The following CLYBL variants were observed in gnomAD, a reference collection of about 807,000 sequenced individuals.
CLYBL encodes the protein citramalyl-CoA lyase, also known as citramalyl-CoA lyase, mitochondrial.
Under a neutral mutation model 38.9 loss-of-function variants are expected in CLYBL, and 31 were observed. The ratio of observed to expected loss-of-function variants is 0.80; its 90% CI spans 0.60 to 1.08. The LOEUF (loss-of-function observed/expected upper bound fraction) is 1.08. CLYBL is among the 50% of genes least tolerant of loss of function. The pLI is 0.00. For missense variants in CLYBL, 434 were observed against 411.6 expected (o/e 1.05, Z -0.47); for synonymous variants, 171 against 158.6 (o/e 1.08, Z -0.59).
Position 99,686,818 on chromosome 13 carries a change from A to C in CLYBL, c.62+80061A>C, listed in dbSNP as rs543192204. The stretch of plus-strand genomic sequence containing the variant: ...TGGGGACGAGCTATGCCACCAATTT[A>C]AAGTGTCTCAGCCGGGGTCAGAATT... On this transcript the variant is annotated intron_variant, in intron 1 of 8. Coordinates refer to ENST00000339105, the MANE Select transcript of CLYBL (RefSeq NM_206808.5). 1.5e-3 allele frequency among the ~76,000 whole-genome samples: 229 copies of C among 152,266 alleles called. 1 individual carries two copies. The highest frequency in any genetic ancestry group is 5.2e-3 in the African/African-American group (218 of 41,548).
intron 1 of CLYBL, among the ~76,000 whole-genome samples, chr13:99,633,191 A>G (rs2139240381): frequency 6.9e-6 from 1 of 144,774 alleles, no homozygotes; most frequent in South Asian, 2.3e-4. Context: ...AGCCTGGGCA[A>G]CAGAGCAAGA....
chr13:99,672,846 G>A (rs1056901258), intron 1 of CLYBL, among the ~76,000 whole-genome samples: 1 of 152,232 alleles, frequency 6.6e-6, no homozygotes, highest in Middle Eastern at 3.4e-3. Context: ...GAAAATCTGT[G>A]TGGCAAAACT....
At chr13:99,710,513 G>A (rs1386551251) in intron 1 of CLYBL, among the ~76,000 whole-genome samples, 1 of 152,162 alleles carries the variant, frequency 6.6e-6, no homozygotes, top group East Asian at 1.9e-4. Context: ...GGACAAGAGG[G>A]AACTTGTGAG....
chr13:99,674,983 A>G (rs1402502867), intron 1 of CLYBL, among the ~76,000 whole-genome samples: 2 of 152,194 alleles, frequency 1.3e-5, no homozygotes, highest in Admixed American at 6.5e-5. Context: ...GCAGAGAACA[A>G]TGATCGCTCC....
chr13:99,610,467 G>C (rs1260482471), intron 1 of CLYBL, among the ~76,000 whole-genome samples: 1 of 151,750 alleles, frequency 6.6e-6, no homozygotes, highest in Non-Finnish European at 1.5e-5. Context: ...TGTTTGCTTA[G>C]TGACTTTAAT....
chr13:99,613,134 C>G (rs1163518934), intron 1 of CLYBL, among the ~76,000 whole-genome samples: 1 of 151,998 alleles, frequency 6.6e-6, no homozygotes, highest in Non-Finnish European at 1.5e-5. Context: ...TACCTGTAAT[C>G]TCTTTTCATT....
chr13:99,829,112 T>G (rs59515879), intron 2 of CLYBL, among the ~76,000 whole-genome samples: 8,212 of 152,214 alleles, frequency 0.054, 511 homozygotes, highest in African/African-American at 0.14. Context: ...AAAACTCGAA[T>G]CCCCTTTCCT....
At chr13:99,655,959 G>A (rs890295684) in intron 1 of CLYBL, among the ~76,000 whole-genome samples, 7 of 152,214 alleles carry the variant, frequency 4.6e-5, no homozygotes, top group African/African-American at 1.2e-4. Context: ...CTGGTTCGCA[G>A]GTGCGGTCAA....
intron 2 of CLYBL, among the ~76,000 whole-genome samples, chr13:99,786,200 C>CTTTTTTTTTTTT (rs199863527): frequency 4.1e-5 from 5 of 122,548 alleles, no homozygotes; most frequent in Non-Finnish European, 5.2e-5. Context: ...CTTAGCTTTC[C>CTTTTTTTTTTTT]TTTTTTTTTT....
intron 2 of CLYBL, among the ~76,000 whole-genome samples, chr13:99,856,768 AGCT>A (rs1241537483): frequency 6.6e-6 from 1 of 151,944 alleles, no homozygotes; most frequent in East Asian, 2.0e-4. Context: ...CCTCCCGAGT[AGCT>A]GGAACTACAG....
intron 2 of CLYBL, among the ~76,000 whole-genome samples, chr13:99,773,931 A>G (rs1387369408): frequency 6.6e-6 from 1 of 152,160 alleles, no homozygotes; most frequent in African/African-American, 2.4e-5. Flanking sequence ...TGAGCCTTAG[A>G]AAATATCCAA....
At chr13:99,727,385 T>C (rs2048496186) in intron 1 of CLYBL, 1 of 152,026 alleles carries the variant, frequency 6.6e-6, no homozygotes, top group Admixed American at 6.6e-5. Flanking sequence ...CTCCACCTCT[T>C]TTCTAGGATT....
intron 7 of CLYBL, 80 bp from the exon 8 acceptor site, chr13:99,891,238 C>A: frequency 9.6e-7 from 1 of 1,036,536 alleles, no homozygotes; most frequent in Admixed American, 1.8e-5. Context: ...CTAAAATGTT[C>A]TTGTTGCACA....
At chr13:99,700,972 A>G (rs1223539111) in intron 1 of CLYBL, among the ~76,000 whole-genome samples, 2 of 152,020 alleles carry the variant, frequency 1.3e-5, no homozygotes, top group African/African-American at 4.8e-5. Context: ...TCCAGTGTGA[A>G]TTTTTCCTCT....
intron 2 of CLYBL, among the ~76,000 whole-genome samples, chr13:99,798,316 C>A (rs775584303): frequency 6.6e-6 from 1 of 152,156 alleles, no homozygotes. Context: ...GCTTACTGCT[C>A]TCTTTGGCCC....
chr13:99,872,156 G>A (rs1437522560), intron 7 of CLYBL, among the ~76,000 whole-genome samples: 1 of 152,104 alleles, frequency 6.6e-6, no homozygotes, highest in Non-Finnish European at 1.5e-5. Flanking sequence ...CATTCCCTAA[G>A]GATGTCCACA....
chr13:99,789,032 G>A (rs1405959631), intron 2 of CLYBL, among the ~76,000 whole-genome samples: 5 of 152,108 alleles, frequency 3.3e-5, no homozygotes, highest in Admixed American at 2.6e-4. Flanking sequence ...GTATTTCTGT[G>A]GGATCGGTGG....
chr13:99,863,270 AG>A (rs946197552), intron 4 of CLYBL, among the ~76,000 whole-genome samples, 178 bp downstream of exon 4: 2 of 152,234 alleles, frequency 1.3e-5, no homozygotes, highest in East Asian at 3.8e-4. Context: ...CCAGCATCTT[AG>A]AAAACAATGA....
chr13:99,676,206 T>TTCCCTCCGTCCG (rs1300271478), intron 1 of CLYBL, among the ~76,000 whole-genome samples: 239 of 74,582 alleles, frequency 3.2e-3, no homozygotes, highest in African/African-American at 7.0e-3. Context: ...CCTTCCTTCC[T>TTCCCTCCGTCCG]TCCTTCCTTC....
Sources: allele counts gnomAD v4.1 joint callset (sites outside exome capture counted in the v4.1 genomes callset), GRCh38; gene constraint gnomAD v4.1.1; transcripts MANE v1.5; gene names NCBI Gene and HGNC (gene_info 2026-07-23, HGNC 2026-07-21).